The following INPP5B variants were observed in gnomAD, a reference collection of about 807,000 sequenced individuals.
INPP5B encodes inositol polyphosphate-5-phosphatase B, also known as type II inositol 1,4,5-trisphosphate 5-phosphatase.
INPP5B carries 90 observed loss-of-function variants against 118.5 expected under a neutral mutation model. The observed-to-expected ratio is 0.76, with a 90% CI of 0.64 to 0.90. The LOEUF (loss-of-function observed/expected upper bound fraction) is 0.90, where lower values mean the gene tolerates loss of function less well. Among genes scored for constraint, INPP5B ranks in the 40% least tolerant of loss-of-function variants. The pLI, the probability that INPP5B is intolerant of heterozygous loss-of-function variation, is 0.00. For synonymous variants in INPP5B, 385 were observed against 418.9 expected (o/e 0.92, Z 0.99); for missense variants, 984 against 1,125.6 (o/e 0.87, Z 1.80).
At chr1:37,865,435 AAGG>A (rs1423990044) in intron 22 of INPP5B, among the ~76,000 whole-genome samples, 4 of 152,204 alleles carry the variant, frequency 2.6e-5, no homozygotes, top group African/African-American at 9.7e-5. Flanking sequence ...AAATCAGCAG[AAGG>A]AGATCGTGAA....
At chr1:37,931,891 T>G (rs1280562796) in intron 7 of INPP5B, 22 bp downstream of exon 7, 1 of 1,613,850 alleles carries the variant, frequency 6.2e-7, no homozygotes, top group South Asian at 1.1e-5. Flanking sequence ...TCCCCACCGT[T>G]TCTTCCGGGA....
At chr1:37,880,733 T>C (rs28420383) in intron 14 of INPP5B, among the ~76,000 whole-genome samples, 35,883 of 151,692 alleles carry the variant, frequency 0.24, 4,810 homozygotes, top group Non-Finnish European at 0.3. Flanking sequence ...GCGCCTAGCC[T>C]AATGTTTTTT....
chr1:37,882,852 CT>C lies in INPP5B; in HGVS notation c.1385del (p.Lys462SerfsTer17). ...TTTGAAAGTCCTTCTCTTCGATGAGCTTTTTCACTTTTTCCACATCCAGCTC... is the reference window on the plus strand; with the variant it reads ...TTTGAAAGTCCTTCTCTTCGATGAGCTTTTCACTTTTTCCACATCCAGCTC... ...IEELDVEKVK[K>X]LIEEKDFQML... is the part of the protein sequence containing the mutation. On this transcript the variant is annotated frameshift_variant, in exon 14 of 24. Coordinates refer to ENST00000373024, the MANE Select transcript of INPP5B (RefSeq NM_005540.3). LOFTEE classifies it high-confidence loss of function. The C allele has an allele frequency of 6.2e-7, 1 of 1,614,078 alleles. No homozygotes were observed. The highest frequency in any genetic ancestry group is 8.5e-7 in the Non-Finnish European group (1 of 1,179,984).
intron 7 of INPP5B, among the ~76,000 whole-genome samples, chr1:37,921,970 T>A (rs1322843174): frequency 6.6e-6 from 1 of 152,018 alleles, no homozygotes; most frequent in Admixed American, 6.6e-5. Context: ...AGGTGGAAGC[T>A]GCAATGAGCC....
At chr1:37,867,454 C>T (rs1003863176) in intron 20 of INPP5B, among the ~76,000 whole-genome samples, 17 of 152,148 alleles carry the variant, frequency 1.1e-4, no homozygotes, top group South Asian at 4.1e-4. Context: ...TCAAATTCCA[C>T]CTCTGCCCAT....
intron 14 of INPP5B, among the ~76,000 whole-genome samples, chr1:37,882,168 T>C (rs1474979540): frequency 6.6e-6 from 1 of 150,820 alleles, no homozygotes; most frequent in African/African-American, 2.4e-5. Context: ...AGGGAGGATA[T>C]AGAACAACAA....
At chr1:37,875,860 T>A in intron 16 of INPP5B, 144 bp from the exon 17 acceptor site, 6 of 560,834 alleles carry the variant, frequency 1.1e-5, no homozygotes, top group Non-Finnish European at 1.9e-5. Context: ...ATTAATGAAC[T>A]CCATTAACAA....
chr1:37,935,542 C>T lies in INPP5B; in HGVS notation c.392-3489G>A, dbSNP rs1033913320. On this transcript the variant is annotated intron_variant, in intron 6 of 23. Coordinates refer to ENST00000373024, the MANE Select transcript of INPP5B (RefSeq NM_005540.3). The stretch of plus-strand genomic sequence containing the variant: ...AAGTTGTGAACGTGACCCAAACTCA[C>T]TGCCCCCATGGTGCCTTCATTCTCA... Among the ~76,000 whole-genome samples the T allele has an allele frequency of 7.2e-5, 11 of 151,988 alleles. No individual in the cohort carries two copies. The East Asian group carries it at 2.2e-3, about 30-fold the overall frequency.
intron 7 of INPP5B, among the ~76,000 whole-genome samples, chr1:37,897,108 T>G (rs1570171066): frequency 6.0e-5 from 7 of 116,084 alleles, no homozygotes; most frequent in African/African-American, 1.4e-4. Flanking sequence ...AGGAGGGAGG[T>G]CGGGGGGGTC....
intron 11 of INPP5B, 66 bp from the exon 12 acceptor site, chr1:37,887,070 T>A: frequency 7.5e-7 from 1 of 1,329,126 alleles, no homozygotes; most frequent in East Asian, 2.3e-5. Flanking sequence ...AAAGGAAACA[T>A]AGTCTGGAAG....
At chr1:37,893,439 A>G (rs190604692) in intron 7 of INPP5B, among the ~76,000 whole-genome samples, 27 of 152,242 alleles carry the variant, frequency 1.8e-4, no homozygotes, top group Non-Finnish European at 2.4e-4. Flanking sequence ...ATAACAGCCT[A>G]CAGACTAAGG....
rs377641126 is a variant in INPP5B, at chr1:37,875,576, A to G, written c.1788+30T>C. The G allele has an allele frequency of 1.5e-4, 237 of 1,561,776 alleles. 2 individuals are homozygous for G. In the South Asian group the frequency reaches 1.6e-3, roughly 11 times the overall value. On this transcript the variant is annotated intron_variant, in intron 17 of 23. Coordinates refer to ENST00000373024, the MANE Select transcript of INPP5B (RefSeq NM_005540.3). ...AGCCACTGCACCCGGCCTGAGCCCAATGCTAATATTCTTAACATGTCCTTC... is the reference window on the plus strand; with the variant it reads ...AGCCACTGCACCCGGCCTGAGCCCAGTGCTAATATTCTTAACATGTCCTTC...
chr1:37,944,899 A>C (rs1201584513), intron 3 of INPP5B, among the ~76,000 whole-genome samples: 1 of 152,164 alleles, frequency 6.6e-6, no homozygotes, highest in African/African-American at 2.4e-5. Context: ...AATTACAAGC[A>C]TGAGCTACTG....
intron 5 of INPP5B, among the ~76,000 whole-genome samples, chr1:37,942,930 A>T (rs1365872604): frequency 1.4e-5 from 2 of 139,098 alleles, no homozygotes; most frequent in Admixed American, 7.1e-5. Context: ...AGAGAGAGAG[A>T]GGAAGGGAGG....
intron 7 of INPP5B, among the ~76,000 whole-genome samples, chr1:37,895,930 A>G (rs1418052251): frequency 2.0e-5 from 3 of 150,244 alleles, no homozygotes; most frequent in Non-Finnish European, 3.0e-5. Flanking sequence ...CTGCCCGGCC[A>G]CCACCCCGTC....
intron 20 of INPP5B, 83 bp from the exon 21 acceptor site, chr1:37,866,626 G>T: frequency 1.2e-6 from 1 of 832,334 alleles, no homozygotes; most frequent in Non-Finnish European, 2.0e-6. Flanking sequence ...ATCAATAGCA[G>T]AATGCAAAAA....
intron 21 of INPP5B, among the ~76,000 whole-genome samples, chr1:37,866,179 G>A (rs1194445880): frequency 2.0e-5 from 3 of 152,176 alleles, no homozygotes; most frequent in Non-Finnish European, 4.4e-5. Flanking sequence ...GTATGCACCT[G>A]TGGTCCCAGC....
intron 7 of INPP5B, among the ~76,000 whole-genome samples, chr1:37,922,695 C>CA (rs991808151): frequency 3.3e-5 from 5 of 151,942 alleles, no homozygotes; most frequent in South Asian, 2.1e-4. Context: ...GACTCCGTCT[C>CA]AAAAAAATAA....
At chr1:37,924,521 T>C (rs1210040536) in intron 7 of INPP5B, among the ~76,000 whole-genome samples, 2 of 152,002 alleles carry the variant, frequency 1.3e-5, no homozygotes, top group Non-Finnish European at 2.9e-5. Flanking sequence ...TCTAAATAAT[T>C]AGCATTGCTT....
Sources: gnomAD v4.1 joint callset for allele counts (sites outside exome capture counted in the v4.1 genomes callset) on GRCh38, gnomAD v4.1.1 for gene constraint, MANE v1.5 for transcripts, NCBI Gene and HGNC (gene_info 2026-07-23, HGNC 2026-07-21) for gene names.